C11orf98: variants seen among roughly 807,000 people sequenced by gnomAD.
The protein encoded by C11orf98 is chromosome 11 open reading frame 98.
A neutral mutation model predicts 10.9 loss-of-function variants in C11orf98; 7 were observed. The observed-to-expected ratio is 0.64, with a 90% CI of 0.37 to 1.21. The LOEUF (loss-of-function observed/expected upper bound fraction) is 1.21, where lower values mean the gene tolerates loss of function less well. Ranked by LOEUF, C11orf98 falls within the 50% of genes most tolerant of loss-of-function variation. The pLI is 0.02. For missense variants in C11orf98, 181 were observed against 153.7 expected, an observed-to-expected ratio of 1.18 and a Z score of -0.94; for synonymous variants, 70 against 57.2, an observed-to-expected ratio of 1.22 and a Z score of -1.01.
chr11:62,663,203 G>A (rs1416604696), intron 3 of C11orf98, 33 bp downstream of exon 3: 1 of 1,613,652 alleles, frequency 6.2e-7, no homozygotes, highest in Non-Finnish European at 8.5e-7. Context: ...ATAAATCCAG[G>A]ATTCCCCTCA....
In C11orf98 at chr11:62,663,178, G is replaced by A. The variant is rs772396802; in HGVS notation, c.263-19C>T. 8 of 1,613,730 alleles carry A rather than the reference G, an allele frequency of 5.0e-6. No homozygotes were observed. Among genetic ancestry groups the A allele is most frequent in the Admixed American group, 1.7e-5 (1 of 59,988 alleles). On this transcript the variant is annotated intron_variant, in intron 3 of 3. Transcript: ENST00000524958. ...GCTTCCACTGAGTAAAGGGAAGAAG[G>A]AAGTATTATCCCAAATAAATCCAGG...
chr11:62,663,006 G>A lies in C11orf98; in HGVS notation c.*44C>T, dbSNP rs759563797. The stretch of plus-strand genomic sequence containing the variant: ...CAAAGTCCTCTGAAACAACCACTGA[G>A]TCTGAAGGCTGGCTCCAGTTGAGAA... On this transcript the variant is annotated 3_prime_UTR_variant, in exon 4 of 4. Coordinates refer to ENST00000524958, the MANE Select transcript of C11orf98 (RefSeq NM_001286086.2). The A allele has an allele frequency of 2.8e-6, 4 of 1,442,014 alleles. No homozygotes were observed. The highest frequency in any genetic ancestry group is 3.8e-6 in the Non-Finnish European group (4 of 1,039,116). 89.3% of individuals were successfully genotyped at this position (1,442,014 alleles called of 1,614,324 possible).
At chr11:62,663,380 C>A (rs746820007) in intron 2 of C11orf98, 47 bp from the exon 3 acceptor site, 1 of 1,571,974 alleles carries the variant, frequency 6.4e-7, no homozygotes, top group Admixed American at 1.7e-5. Flanking sequence ...CCTGAACCAA[C>A]TGAGGTCACA....
Position 62,663,352 on chromosome 11 carries a change from T to G in C11orf98, c.165-19A>C. 1 of 1,611,062 alleles carries G rather than the reference T, an allele frequency of 6.2e-7. No homozygotes were observed. The highest frequency in any genetic ancestry group is 8.5e-7 in the Non-Finnish European group (1 of 1,178,252). On this transcript the variant is annotated intron_variant, in intron 2 of 3. Coordinates refer to ENST00000524958, the MANE Select transcript of C11orf98 (RefSeq NM_001286086.2). ...ACTGGACCTGATGGGTAAGTGGAAA[T>G]AAAGAGAGCTAGGTTAACCTGAACC...
intron 2 of C11orf98, 85 bp from the exon 3 acceptor site, chr11:62,663,418 T>C: frequency 7.1e-7 from 1 of 1,415,592 alleles, no homozygotes; most frequent in Non-Finnish European, 9.7e-7. Flanking sequence ...AGAAAAAGTA[T>C]TAAATAGGCT....
chr11:62,664,592 A>G (rs1453152054), intron 2 of C11orf98, among the ~76,000 whole-genome samples: 1 of 152,038 alleles, frequency 6.6e-6, no homozygotes, highest in Admixed American at 6.6e-5. Flanking sequence ...CAGCCCCCCA[A>G]AGTGCTGGGA....
At chr11:62,663,433 G>A (rs1055799073) in intron 2 of C11orf98, 100 bp from the exon 3 acceptor site, 10 of 1,270,240 alleles carry the variant, frequency 7.9e-6, no homozygotes, top group East Asian at 4.8e-5. Context: ...TAGGCTGGGC[G>A]CAGTGGCTCA....
At position 62,664,865 on chromosome 11, in the gene C11orf98, G is replaced by T; in HGVS notation, c.148C>A (p.His50Asn). 1 of 1,573,760 alleles carries T rather than the reference G, an allele frequency of 6.4e-7. No homozygotes were observed. Among genetic ancestry groups the T allele is most frequent in the Non-Finnish European group, 8.6e-7 (1 of 1,159,282 alleles). Residue 50 changes from histidine (H) to asparagine (N), a missense_variant, in exon 2 of 4, where the codon CAC (histidine) becomes AAC (asparagine). His to Asn is a moderately conservative substitution (Grantham distance 68). Coordinates refer to ENST00000524958, the MANE Select transcript of C11orf98 (RefSeq NM_001286086.2). ...AGTACTTACGCCCGCTTCTTGAGGT[G>T]GTGCCGCGTGATCAGCCCTTGGTCT... ...VIDQGLITRH[H>N]LKKRASSARA...
chr11:62,665,024 G>T, intron 1 of C11orf98, 51 bp from the exon 2 acceptor site: 1 of 1,600,616 alleles, frequency 6.2e-7, no homozygotes, highest in Non-Finnish European at 8.5e-7. Context: ...CCGCGACCCG[G>T]GGCCCCTCCA....
rs1246641281 is a variant in C11orf98, at chr11:62,663,032, T to A, written c.*18A>T. 1 of 1,542,584 alleles carries A rather than the reference T, an allele frequency of 6.5e-7. No individual in the cohort carries two copies. Among genetic ancestry groups the A allele is most frequent in the South Asian group, 1.1e-5 (1 of 88,154 alleles). ...TCTGAAGGCTGGCTCCAGTTGAGAATCTTCTAGTGGAAGAGGTTTAGCTCT... is the reference window on the plus strand; with the variant it reads ...TCTGAAGGCTGGCTCCAGTTGAGAAACTTCTAGTGGAAGAGGTTTAGCTCT... On this transcript the variant is annotated 3_prime_UTR_variant, in exon 4 of 4. Transcript: ENST00000524958.
intron 2 of C11orf98, among the ~76,000 whole-genome samples, chr11:62,664,326 CTTTT>C (rs35917869): frequency 1.3e-5 from 1 of 77,430 alleles, no homozygotes. Context: ...TCCTGATATT[CTTTT>C]TTTTTTTTTT....
At chr11:62,663,973 T>C (rs1944721466) in intron 2 of C11orf98, among the ~76,000 whole-genome samples, 2 of 146,270 alleles carry the variant, frequency 1.4e-5, no homozygotes, top group South Asian at 4.3e-4. Flanking sequence ...CTCGGGAGGC[T>C]GAGGCAAGAG....
chr11:62,663,340 G>C lies in C11orf98; in HGVS notation c.165-7C>G. The C allele has an allele frequency of 6.2e-7, 1 of 1,612,378 alleles. No homozygotes were observed. The highest frequency in any genetic ancestry group is 1.7e-4 in the Middle Eastern group (1 of 6,022). On this transcript the variant is annotated splice_polypyrimidine_tract_variant and splice_region_variant and intron_variant, in intron 2 of 3. Coordinates refer to ENST00000524958, the MANE Select transcript of C11orf98 (RefSeq NM_001286086.2). ...GTTGGCACGTGCACTGGACCTGATGGGTAAGTGGAAATAAAGAGAGCTAGG... is the reference window on the plus strand; with the variant it reads ...GTTGGCACGTGCACTGGACCTGATGCGTAAGTGGAAATAAAGAGAGCTAGG...
intron 1 of C11orf98, 45 bp from the exon 2 acceptor site, chr11:62,665,018 G>A (rs369581685): frequency 4.4e-6 from 7 of 1,601,516 alleles, no homozygotes; most frequent in Non-Finnish European, 5.9e-6. Context: ...GGCTCGCCGC[G>A]ACCCGGGGCC....
chr11:62,664,970 G>T lies in C11orf98; in HGVS notation c.43C>A (p.Leu15Met). ...CGGCGTTTGAACAGCTTCTTCTTCAGCTCCTGCCGGGGAGAAAGATGCGAA... is the reference window on the plus strand; with the variant it reads ...CGGCGTTTGAACAGCTTCTTCTTCATCTCCTGCCGGGGAGAAAGATGCGAA... ...GGKINRPRTE[L>M]KKKLFKRRRV... Residue 15 changes from leucine (L) to methionine (M), a missense_variant, in exon 2 of 4, where the codon CTG (leucine) becomes ATG (methionine). Transcript: ENST00000524958. 1 of 1,611,338 alleles carries T rather than the reference G, an allele frequency of 6.2e-7. No homozygotes were observed.
At chr11:62,664,191 C>T (rs1275460300) in intron 2 of C11orf98, among the ~76,000 whole-genome samples, 1 of 151,484 alleles carries the variant, frequency 6.6e-6, no homozygotes, top group Non-Finnish European at 1.5e-5. Context: ...CTATGAGTGC[C>T]TTTGGGAAAA....
In C11orf98 at chr11:62,663,163, A is replaced by G. The variant is rs1395895899; in HGVS notation, c.263-4T>C. 6.2e-7 allele frequency: 1 copy of G among 1,613,730 alleles called. No individual in the cohort carries two copies. Among genetic ancestry groups the G allele is most frequent in the Non-Finnish European group, 8.5e-7 (1 of 1,179,946 alleles). On this transcript the variant is annotated splice_polypyrimidine_tract_variant and splice_region_variant and intron_variant, in intron 3 of 3. Coordinates refer to ENST00000524958, the MANE Select transcript of C11orf98 (RefSeq NM_001286086.2). ...GCTGGCTTTGAAGGGGCTTCCACTGAGTAAAGGGAAGAAGGAAGTATTATC... is the reference window on the plus strand; with the variant it reads ...GCTGGCTTTGAAGGGGCTTCCACTGGGTAAAGGGAAGAAGGAAGTATTATC...
intron 2 of C11orf98, among the ~76,000 whole-genome samples, chr11:62,664,584 GC>G (rs1365670847): frequency 6.6e-6 from 1 of 152,078 alleles, no homozygotes; most frequent in Non-Finnish European, 1.5e-5. Flanking sequence ...GCCCACCTCA[GC>G]CCCCCAAAGT....
In C11orf98 at chr11:62,663,040, TG is replaced by T. The variant is rs773117214; in HGVS notation, c.*9del. ...CTGGCTCCAGTTGAGAATCTTCTAG[TG>T]GAAGAGGTTTAGCTCTCATCTTCAA... On this transcript the variant is annotated 3_prime_UTR_variant, in exon 4 of 4. Transcript: ENST00000524958. The T allele has an allele frequency of 4.8e-4, 754 of 1,556,824 alleles. 1 individual carries two copies. The Middle Eastern group carries it at 9.8e-3, about 20-fold the overall frequency.
Sources: gnomAD v4.1 joint callset for allele counts (sites outside exome capture counted in the v4.1 genomes callset) on GRCh38, gnomAD v4.1.1 for gene constraint, MANE v1.5 for transcripts, NCBI Gene and HGNC (gene_info 2026-07-23, HGNC 2026-07-21) for gene names.